NBEA: variants seen among roughly 807,000 people sequenced by gnomAD.
NBEA encodes lysosomal-trafficking regulator 2.
Under a neutral mutation model 343.4 loss-of-function variants are expected in NBEA, and 44 were observed. The ratio of observed to expected loss-of-function variants is 0.13; its 90% confidence interval spans 0.10 to 0.16. NBEA has a LOEUF of 0.16. NBEA is among the 10% of genes least tolerant of loss of function. The pLI is 1.00. For synonymous variants in NBEA, 1,175 were observed against 1,238.7 expected, an observed-to-expected ratio of 0.95 and a Z score of 1.08; for missense variants, 2,555 against 3,631.3, an observed-to-expected ratio of 0.70 and a Z score of 7.62.
chr13:35,480,929 G>A (rs1475660797), intron 41 of NBEA, among the ~76,000 whole-genome samples: 2 of 151,844 alleles, frequency 1.3e-5, no homozygotes, highest in African/African-American at 4.8e-5. Flanking sequence ...CAAGGTTTCA[G>A]TGATTTCTTA....
At chr13:35,557,079 A>G (rs1276311540) in intron 44 of NBEA, among the ~76,000 whole-genome samples, 1 of 152,078 alleles carries the variant, frequency 6.6e-6, no homozygotes, top group Admixed American at 6.5e-5. Flanking sequence ...TGGATATAAA[A>G]CTGGAGGGCA....
chr13:35,364,569 C>T (rs1184417908), intron 38 of NBEA, among the ~76,000 whole-genome samples: 1 of 151,686 alleles, frequency 6.6e-6, no homozygotes, highest in Non-Finnish European at 1.5e-5. Context: ...ATTTAAGATT[C>T]AGAAATACAG....
At chr13:35,015,127 G>GA (rs771271035) in intron 1 of NBEA, among the ~76,000 whole-genome samples, 1,620 of 18,300 alleles carry the variant, frequency 0.089, 529 homozygotes, top group South Asian at 0.099. Context: ...AACGAGATCT[G>GA]AAAAAAAAAA....
At chr13:35,549,110 C>T (rs916143974) in intron 41 of NBEA, among the ~76,000 whole-genome samples, 17 of 152,066 alleles carry the variant, frequency 1.1e-4, no homozygotes, top group Admixed American at 6.6e-4. Context: ...GTCTGAATGG[C>T]TCCAAAATGT....
chr13:35,161,628 T>G (rs1444611347), intron 22 of NBEA, 122 bp from the exon 23 acceptor site: 5 of 891,292 alleles, frequency 5.6e-6, no homozygotes, highest in Non-Finnish European at 8.4e-6. Context: ...TGAAATATAT[T>G]AAACTGCTAA....
At chr13:35,095,698 T>G (rs2065298172) in intron 10 of NBEA, among the ~76,000 whole-genome samples, 1 of 151,938 alleles carries the variant, frequency 6.6e-6, no homozygotes, top group African/African-American at 2.4e-5. Flanking sequence ...GAACATGTAT[T>G]ATGGTACTGT....
intron 45 of NBEA, among the ~76,000 whole-genome samples, chr13:35,582,535 C>G (rs1479141080): frequency 6.6e-6 from 1 of 151,910 alleles, no homozygotes; most frequent in Admixed American, 6.6e-5. Context: ...TTTAAAAAAT[C>G]TAAATTTTTA....
At chr13:34,965,649 C>G (rs889285072) in intron 1 of NBEA, among the ~76,000 whole-genome samples, 4 of 151,816 alleles carry the variant, frequency 2.6e-5, no homozygotes, top group Admixed American at 1.3e-4. Context: ...TTTTATGGAT[C>G]CTTGTTTAAC....
chr13:35,482,575 A>G (rs2152967633), intron 41 of NBEA, among the ~76,000 whole-genome samples: 1 of 151,700 alleles, frequency 6.6e-6, no homozygotes, highest in African/African-American at 2.4e-5. Flanking sequence ...TCCCAATCAA[A>G]TTAGAAGCAT....
At chr13:35,281,465 T>A (rs79309189) in intron 34 of NBEA, among the ~76,000 whole-genome samples, 412 of 152,288 alleles carry the variant, frequency 2.7e-3, no homozygotes, top group African/African-American at 9.0e-3. Context: ...AAAGTTAATG[T>A]GCTTTTGGAA....
At chr13:35,340,081 A>T (rs1032155470) in intron 36 of NBEA, among the ~76,000 whole-genome samples, 1 of 152,114 alleles carries the variant, frequency 6.6e-6, no homozygotes, top group African/African-American at 2.4e-5. Context: ...ATCCTAAGAA[A>T]TTTAAAAATA....
At chr13:35,026,950 CTTTA>C (rs1394130703) in intron 1 of NBEA, among the ~76,000 whole-genome samples, 1 of 152,000 alleles carries the variant, frequency 6.6e-6, no homozygotes, top group Non-Finnish European at 1.5e-5. Flanking sequence ...TCTTTTCTGT[CTTTA>C]TTATGTTGTC....
Position 35,594,990 on chromosome 13 carries a change from CAA to C in NBEA, c.7296+1545_7296+1546del, listed in dbSNP as rs869118231. Among the ~76,000 whole-genome samples, 306 of 140,804 alleles carry C rather than the reference CAA, an allele frequency of 2.2e-3. 2 individuals carry two copies. Among genetic ancestry groups the C allele is most frequent in the South Asian group, 0.01 (48 of 4,576 alleles). The allele number at this position is 140,804 out of a possible 152,430, so 92.4% of individuals were successfully genotyped here. On this transcript the variant is annotated intron_variant, in intron 47 of 58. Coordinates refer to ENST00000379939, the MANE Select transcript of NBEA (RefSeq NM_001385012.1). ...ACACACACACACACACACACACACA[CAA>C]ATTGGCTTTTCAACTTAATTCAGAG... is the stretch of plus-strand genomic sequence containing the variant.
intron 49 of NBEA, among the ~76,000 whole-genome samples, chr13:35,638,835 G>A (rs1054094551): frequency 6.6e-6 from 1 of 152,160 alleles, no homozygotes. Context: ...TCTCTCCGGA[G>A]GAAATGATGC....
chr13:35,299,938 G>A (rs2036425085), intron 35 of NBEA, among the ~76,000 whole-genome samples: 1 of 152,118 alleles, frequency 6.6e-6, no homozygotes, highest in Non-Finnish European at 1.5e-5. Flanking sequence ...AATTGTTAGA[G>A]TGCTAGGACA....
intron 50 of NBEA, 109 bp from the exon 51 acceptor site, chr13:35,646,150 T>C (rs940971378): frequency 3.4e-6 from 3 of 884,118 alleles, no homozygotes; most frequent in Non-Finnish European, 5.4e-6. Flanking sequence ...TTGAATTTTC[T>C]GGACTTTTTT....
At chr13:35,362,555 C>T (rs778645345) in intron 38 of NBEA, among the ~76,000 whole-genome samples, 7 of 151,932 alleles carry the variant, frequency 4.6e-5, no homozygotes, top group Non-Finnish European at 1.0e-4. Flanking sequence ...TTAGACTAAA[C>T]AGTCTACCAA....
At chr13:35,327,346 A>G (rs1322136177) in intron 36 of NBEA, among the ~76,000 whole-genome samples, 1 of 152,112 alleles carries the variant, frequency 6.6e-6, no homozygotes, top group Non-Finnish European at 1.5e-5. Context: ...TCGCAGCACT[A>G]TTCACAATGG....
chr13:35,469,018 G>GAGC lies in NBEA; in HGVS notation c.6449-3381_6449-3379dup, dbSNP rs536157706. Among the ~76,000 whole-genome samples the GAGC allele has an allele frequency of 3.0e-3, 452 of 149,656 alleles. 1 individual carries two copies. Among genetic ancestry groups the GAGC allele is most frequent in the Middle Eastern group, 0.011 (3 of 280 alleles). ...GGAGGCTGAGGCAGGAGAATCGCTT[G>GAGC]AGCTCGGGGGGCAGAAGTTGCAGTG... On this transcript the variant is annotated intron_variant, in intron 40 of 58. Transcript: ENST00000379939.
Sources: allele counts gnomAD v4.1 joint callset (sites outside exome capture counted in the v4.1 genomes callset), GRCh38; gene constraint gnomAD v4.1.1; transcripts MANE v1.5; gene names NCBI Gene and HGNC (gene_info 2026-07-23, HGNC 2026-07-21).